Variants in MAPK1IP1L observed in about 807,000 individuals in gnomAD.
MAPK1IP1L encodes MAPK-interacting and spindle-stabilizing protein-like.
MAPK1IP1L carries 10 observed loss-of-function variants against 18.1 expected under a neutral mutation model. The observed-to-expected ratio is 0.55, with a 90% CI of 0.34 to 0.94. MAPK1IP1L has a LOEUF of 0.94. Among genes scored for constraint, MAPK1IP1L ranks in the 40% least tolerant of loss-of-function variants. The pLI is 0.02. For missense variants in MAPK1IP1L, 260 were observed against 318.2 expected (o/e 0.82, Z 1.39); for synonymous variants, 115 against 117.3 (o/e 0.98, Z 0.13).
Position 55,065,801 on chromosome 14 carries a change from A to G in MAPK1IP1L, c.*1174A>G, listed in dbSNP as rs2140263200. ...TCCTGAGTCTGTTTGTAAAGTGCTT[A>G]TGGCTAACAGTTCAGTTCTGTATTT... On this transcript the variant is annotated 3_prime_UTR_variant, in exon 4 of 4. Coordinates refer to ENST00000395468, the MANE Select transcript of MAPK1IP1L (RefSeq NM_144578.4). 1 of 152,328 alleles carries G rather than the reference A, an allele frequency of 6.6e-6. No homozygotes were observed. Among genetic ancestry groups the G allele is most frequent in the Admixed American group, 6.5e-5 (1 of 15,300 alleles). 9.4% of individuals were successfully genotyped at this position (152,328 alleles called of 1,614,324 possible). A position where few individuals can be genotyped will look rare whatever the true frequency, so the allele number is the denominator to read the frequency against.
chr14:55,060,999 A>C (rs1340483574), intron 1 of MAPK1IP1L, among the ~76,000 whole-genome samples: 1 of 152,008 alleles, frequency 6.6e-6, no homozygotes, highest in Non-Finnish European at 1.5e-5. Flanking sequence ...AATTTTAAGA[A>C]ATTTGCTGGG....
In MAPK1IP1L at chr14:55,067,064, A is replaced by ATTT. The variant is rs757107829; in HGVS notation, c.*2456_*2458dup. On this transcript the variant is annotated 3_prime_UTR_variant, in exon 4 of 4. Transcript: ENST00000395468. ...AGGTGCCCGCCACCATGCCCGGCTAATTTTTTTTTTTTTTTTTTTTTAGTA... is the reference window on the plus strand; with the variant it reads ...AGGTGCCCGCCACCATGCCCGGCTAATTTTTTTTTTTTTTTTTTTTTTTTAGTA... 52 of 128,288 alleles carry ATTT rather than the reference A, an allele frequency of 4.1e-4. 1 individual carries two copies. The highest frequency in any genetic ancestry group is 1.0e-3 in the South Asian group (4 of 3,860). 7.9% of individuals were successfully genotyped at this position (128,288 alleles called of 1,614,324 possible). A position where few individuals can be genotyped will look rare whatever the true frequency, so the allele number is the denominator to read the frequency against.
Position 55,051,663 on chromosome 14 carries a change from C to T in MAPK1IP1L, c.-145C>T, listed in dbSNP as rs1317127283. On this transcript the variant is annotated 5_prime_UTR_variant, in exon 1 of 4. Transcript: ENST00000395468. ...GCGCTCGGCGCTTCCTGTTCCGGCG[C>T]CAGGAGGAGCCGCGCGCTGCTGGTG... 2 of 513,748 alleles carry T rather than the reference C, an allele frequency of 3.9e-6. No individual in the cohort carries two copies. Among genetic ancestry groups the T allele is most frequent in the African/African-American group, 1.9e-5 (1 of 51,380 alleles). 31.8% of individuals were successfully genotyped at this position (513,748 alleles called of 1,614,324 possible).
At position 55,061,185 on chromosome 14, in the gene MAPK1IP1L, TAAG is replaced by T. The variant is rs572755959; in HGVS notation, c.-4-493_-4-491del. On this transcript the variant is annotated intron_variant, in intron 1 of 3. Coordinates refer to ENST00000395468, the MANE Select transcript of MAPK1IP1L (RefSeq NM_144578.4). ...AAAGACGAGGAAATGTAAGTTAAAA[TAAG>T]ACGCTAATTTTTAATATCTATTGTC... 2.5e-3 allele frequency among the ~76,000 whole-genome samples: 379 copies of T among 152,256 alleles called. 3 individuals carry two copies. Among genetic ancestry groups the T allele is most frequent in the African/African-American group, 8.6e-3 (359 of 41,538 alleles).
Position 55,061,712 on chromosome 14 carries a change from C to G in MAPK1IP1L, c.18+11C>G, listed in dbSNP as rs374347837. 1 of 1,564,072 alleles carries G rather than the reference C, an allele frequency of 6.4e-7. No individual in the cohort carries two copies. The highest frequency in any genetic ancestry group is 1.4e-5 in the African/African-American group (1 of 73,342). Reference sequence around the variant, plus strand: ...TCTGATGAATTTTCGGTAAGTTGATCAGTTTATCTGTGATAAGTTTTTCAT... The same window carrying G: ...TCTGATGAATTTTCGGTAAGTTGATGAGTTTATCTGTGATAAGTTTTTCAT... On this transcript the variant is annotated intron_variant, in intron 2 of 3. Transcript: ENST00000395468.
chr14:55,063,350 AGT>A (rs1447625796), intron 3 of MAPK1IP1L, 25 bp downstream of exon 3: 1 of 1,562,520 alleles, frequency 6.4e-7, no homozygotes, highest in Non-Finnish European at 8.7e-7. Context: ...TGTTATTTAA[AGT>A]GTACTAATTG....
chr14:55,054,315 C>A (rs551127859), intron 1 of MAPK1IP1L, among the ~76,000 whole-genome samples: 1 of 150,062 alleles, frequency 6.7e-6, no homozygotes, highest in South Asian at 2.2e-4. Context: ...AGCTAATTTT[C>A]TGTATTTTTA....
In MAPK1IP1L at chr14:55,069,438, T is replaced by G. The variant is rs2042889451; in HGVS notation, c.*4811T>G. On this transcript the variant is annotated 3_prime_UTR_variant, in exon 4 of 4. Coordinates refer to ENST00000395468, the MANE Select transcript of MAPK1IP1L (RefSeq NM_144578.4). The stretch of plus-strand genomic sequence containing the variant: ...TGTTGCTTTAAGAAGTAATTATAAT[T>G]AGGAATAGGCTATGGATGTGATACT... The G allele has an allele frequency of 6.5e-6, 1 of 152,672 alleles. No homozygotes were observed. The highest frequency in any genetic ancestry group is 1.5e-5 in the Non-Finnish European group (1 of 68,034). 9.5% of individuals were successfully genotyped at this position (152,672 alleles called of 1,614,324 possible). A position where few individuals can be genotyped will look rare whatever the true frequency, so the allele number is the denominator to read the frequency against.
chr14:55,052,969 C>T (rs1486719427), intron 1 of MAPK1IP1L, among the ~76,000 whole-genome samples: 1 of 152,196 alleles, frequency 6.6e-6, no homozygotes, highest in Non-Finnish European at 1.5e-5. Context: ...CGAGAGATAA[C>T]ACCCCCAGCA....
In MAPK1IP1L at chr14:55,066,091, T is replaced by C. The variant is rs992701945; in HGVS notation, c.*1464T>C. On this transcript the variant is annotated 3_prime_UTR_variant, in exon 4 of 4. Transcript: ENST00000395468. ...TTAGATAACATTTTGAATGTATCCA[T>C]TGGATTTCTAAAATGTATTGTGAAT... 2 of 152,186 alleles carry C rather than the reference T, an allele frequency of 1.3e-5. No homozygotes were observed. The highest frequency in any genetic ancestry group is 2.4e-5 in the African/African-American group (1 of 41,456). 9.4% of individuals were successfully genotyped at this position (152,186 alleles called of 1,614,324 possible).
Position 55,063,277 on chromosome 14 carries a change from A to G in MAPK1IP1L, c.678A>G (p.Gln226=), listed in dbSNP as rs2042834649. The G allele has an allele frequency of 6.2e-7, 1 of 1,614,044 alleles. No homozygotes were observed. Among genetic ancestry groups the G allele is most frequent in the Admixed American group, 1.7e-5 (1 of 60,014 alleles). ...ATCCTACTCCCAGTAATCCTTTCCA[A>G]GTGCCTTCAGGACCTTCTGGTGCTC... is the stretch of plus-strand genomic sequence containing the variant. ...GLYPTPSNPF[Q]VPSGPSGAPP... Residue 226 remains glutamine, a synonymous_variant, in exon 3 of 4, where the codon CAA becomes CAG. Coordinates refer to ENST00000395468, the MANE Select transcript of MAPK1IP1L (RefSeq NM_144578.4).
In MAPK1IP1L at chr14:55,067,570, A is replaced by AT. The variant is rs1184429371; in HGVS notation, c.*2948dup. 4.6e-5 allele frequency: 7 copies of AT among 151,174 alleles called. No homozygotes were observed. Among genetic ancestry groups the AT allele is most frequent in the African/African-American group, 1.7e-4 (7 of 41,190 alleles). The allele number at this position is 151,174 out of a possible 1,614,324, so 9.4% of individuals were successfully genotyped here. ...ATTACAGGTGCCCGCCACCACACCC[A>AT]TTTTTGTATTTTTAGTAGAGACGGG... On this transcript the variant is annotated 3_prime_UTR_variant, in exon 4 of 4. Transcript: ENST00000395468.
In MAPK1IP1L at chr14:55,062,841, C is replaced by T. The variant is rs754049045; in HGVS notation, c.242C>T (p.Pro81Leu). 4.3e-6 allele frequency: 7 copies of T among 1,614,200 alleles called. No individual in the cohort carries two copies. The highest frequency in any genetic ancestry group is 4.5e-5 in the East Asian group (2 of 44,878). The stretch of plus-strand genomic sequence containing the variant: ...CCCTCCGTGCCTCCCACCGGACCAC[C>T]TCCAGGACCCCCAGCACCCTTTCCT... ...MYPSVPPTGPPPGPPAPFPPS... is the reference protein window; with the variant it reads ...MYPSVPPTGPLPGPPAPFPPS... Residue 81 changes from proline to leucine, a missense_variant, in exon 3 of 4, where the codon CCT becomes CTT. Coordinates refer to ENST00000395468, the MANE Select transcript of MAPK1IP1L (RefSeq NM_144578.4).
chr14:55,061,154 C>CA (rs1001663983), intron 1 of MAPK1IP1L, among the ~76,000 whole-genome samples: 2 of 149,736 alleles, frequency 1.3e-5, no homozygotes, highest in South Asian at 2.1e-4. Context: ...ACCCTGTCTC[C>CA]AAAAAAAAGA....
chr14:55,063,418 C>A, intron 3 of MAPK1IP1L, 93 bp downstream of exon 3: 2 of 1,149,918 alleles, frequency 1.7e-6, no homozygotes, highest in Admixed American at 2.8e-5. Context: ...ATTAAGAAGG[C>A]TTTTAAGTTT....
chr14:55,052,314 T>G (rs1005985058), intron 1 of MAPK1IP1L, among the ~76,000 whole-genome samples: 1 of 152,222 alleles, frequency 6.6e-6, no homozygotes, highest in Non-Finnish European at 1.5e-5. Flanking sequence ...GAAAAGATTC[T>G]TACAAGAGTC....
chr14:55,058,192 G>A (rs558279578), intron 1 of MAPK1IP1L, among the ~76,000 whole-genome samples: 14 of 152,172 alleles, frequency 9.2e-5, no homozygotes, highest in Non-Finnish European at 1.0e-4. Flanking sequence ...GGAAACTGGA[G>A]TACTTGGAGA....
At chr14:55,051,954 C>T (rs2042732010) in intron 1 of MAPK1IP1L, among the ~76,000 whole-genome samples, 151 bp downstream of exon 1, 1 of 152,158 alleles carries the variant, frequency 6.6e-6, no homozygotes, top group Non-Finnish European at 1.5e-5. Context: ...GCCTGCCTGG[C>T]ACCAGGACTA....
chr14:55,060,154 ATTTTTTTTTTTTTTTTTTTTTTTTT>A (rs71131248), intron 1 of MAPK1IP1L, among the ~76,000 whole-genome samples: 1 of 63,892 alleles, frequency 1.6e-5, no homozygotes, highest in Non-Finnish European at 2.7e-5. Context: ...TTTTGGAGAA[ATTTTTTTTTTTTTTTTTTTTTTTTT>A]TTTTTTTTTT....
Sources: gnomAD v4.1 joint callset for allele counts (sites outside exome capture counted in the v4.1 genomes callset) on GRCh38, gnomAD v4.1.1 for gene constraint, MANE v1.5 for transcripts, NCBI Gene and HGNC (gene_info 2026-07-23, HGNC 2026-07-21) for gene names.